Variants in VAT1L observed in about 807,000 individuals in gnomAD.
VAT1L encodes putative NADPH-dependent quinone oxidoreductase VAT1L.
In VAT1L, 34 loss-of-function variants were observed where a neutral mutation model predicts 44.1. The observed-to-expected ratio is 0.77, with a 90% confidence interval of 0.59 to 1.03. VAT1L has a LOEUF of 1.03. VAT1L is among the 50% of genes least tolerant of loss of function. VAT1L has a pLI of 0.00. For synonymous variants in VAT1L, 253 were observed against 202.2 expected (o/e 1.25, Z -2.13); for missense variants, 615 against 538.8 (o/e 1.14, Z -1.40).
intron 7 of VAT1L, among the ~76,000 whole-genome samples, chr16:77,949,374 C>T (rs1466781742): frequency 1.3e-5 from 2 of 152,128 alleles, no homozygotes; most frequent in African/African-American, 4.8e-5. Context: ...CTCTGGGGTA[C>T]TGACAGGGCA....
chr16:77,972,874 C>T (rs2018295444), intron 8 of VAT1L, among the ~76,000 whole-genome samples: 1 of 151,584 alleles, frequency 6.6e-6, no homozygotes, highest in Admixed American at 6.6e-5. Context: ...TTTTTAGAGA[C>T]AGAATCTCAC....
At chr16:77,947,412 T>C (rs2068953) in intron 7 of VAT1L, among the ~76,000 whole-genome samples, 80,756 of 152,048 alleles carry the variant, frequency 0.53, 21,702 homozygotes, top group East Asian at 0.67. Flanking sequence ...TAACAGCATG[T>C]CTCAGCATCC....
intron 7 of VAT1L, among the ~76,000 whole-genome samples, chr16:77,953,853 G>T (rs1370603942): frequency 1.3e-5 from 2 of 152,092 alleles, no homozygotes; most frequent in Admixed American, 6.6e-5. Context: ...GTTCACACTA[G>T]ATCCTGATGT....
rs1014071516 is a variant in VAT1L at position 77,884,347 on chromosome 16, C to T, written c.883-261C>T. On this transcript the variant is annotated intron_variant, in intron 6 of 8. Coordinates refer to ENST00000302536, the MANE Select transcript of VAT1L (RefSeq NM_020927.3). This position sits in a 1 kb window ranked among gnomAD's most constrained non-coding sequence, Gnocchi z 4.5. ...GCTGGGGCAGAGAATTACTTGAACCCGGGAGGCAGACGTTGCAGTAAGCTG... is the reference window on the plus strand; with the variant it reads ...GCTGGGGCAGAGAATTACTTGAACCTGGGAGGCAGACGTTGCAGTAAGCTG... Among the ~76,000 whole-genome samples, 4 of 151,944 alleles carry T rather than the reference C, an allele frequency of 2.6e-5. No individual in the cohort carries two copies. The highest frequency in any genetic ancestry group is 3.9e-4 in the East Asian group (2 of 5,174).
Position 77,944,773 on chromosome 16 carries a change from T to C in VAT1L, c.1078-27077T>C, listed in dbSNP as rs116703442. 9.2e-3 allele frequency among the ~76,000 whole-genome samples: 1,408 copies of C among 152,272 alleles called. 26 individuals carry two copies. Among genetic ancestry groups the C allele is most frequent in the African/African-American group, 0.032 (1,322 of 41,538 alleles). ...ATTATTTTAGGTCTATTTTAGTTCC[T>C]TAAACAGTTGTGGGTGGCTGAGAGG... is the stretch of plus-strand genomic sequence containing the variant. On this transcript the variant is annotated intron_variant, in intron 7 of 8. Coordinates refer to ENST00000302536, the MANE Select transcript of VAT1L (RefSeq NM_020927.3).
intron 7 of VAT1L, among the ~76,000 whole-genome samples, chr16:77,945,631 A>G (rs1056792434): frequency 6.6e-6 from 1 of 152,022 alleles, no homozygotes; most frequent in African/African-American, 2.4e-5. Flanking sequence ...TAAGAAAAGT[A>G]GCACATATTC....
intron 7 of VAT1L, among the ~76,000 whole-genome samples, chr16:77,923,491 A>C (rs1397216793): frequency 6.6e-6 from 1 of 152,194 alleles, no homozygotes. Context: ...GCCCAGAATC[A>C]GGTCTTAAAA....
intron 1 of VAT1L, among the ~76,000 whole-genome samples, chr16:77,794,563 C>T (rs2015894049): frequency 1.3e-5 from 2 of 152,256 alleles, no homozygotes; most frequent in African/African-American, 4.8e-5. Flanking sequence ...GAGCATTAAA[C>T]TGTCACCAGT....
chr16:77,941,667 C>T (rs1597111239), intron 7 of VAT1L, among the ~76,000 whole-genome samples: 1 of 152,226 alleles, frequency 6.6e-6, no homozygotes, highest in Admixed American at 6.5e-5. Context: ...CTCGCTGCAA[C>T]CTCCAGCTCC....
At chr16:77,811,101 T>A (rs930453873) in intron 1 of VAT1L, among the ~76,000 whole-genome samples, 2 of 152,110 alleles carry the variant, frequency 1.3e-5, no homozygotes, top group African/African-American at 4.8e-5. Context: ...AAGAGGGAGA[T>A]TTGTTTAATG....
intron 7 of VAT1L, among the ~76,000 whole-genome samples, chr16:77,946,689 C>T (rs1651900): frequency 0.99 from 151,416 of 152,326 alleles, 75,260 homozygotes; most frequent in Middle Eastern, 1. Flanking sequence ...ACATGTCACT[C>T]TGGGAAGATG....
In VAT1L at chr16:77,884,422, C is replaced by CAAAAAATAAAAAT. The variant is rs1178068670; in HGVS notation, c.883-174_883-162dup. 6.6e-6 allele frequency among the ~76,000 whole-genome samples: 1 copy of CAAAAAATAAAAAT among 151,738 alleles called. No homozygotes were observed. Among genetic ancestry groups the CAAAAAATAAAAAT allele is most frequent in the East Asian group, 1.9e-4 (1 of 5,180 alleles). On this transcript the variant is annotated intron_variant, in intron 6 of 8. Coordinates refer to ENST00000302536, the MANE Select transcript of VAT1L (RefSeq NM_020927.3). The surrounding 1 kb of genome is among the most constrained non-coding windows in gnomAD (Gnocchi z 4.5). ...TGGGCTACAGAGTGAGACTCCATCT[C>CAAAAAATAAAAAT]AAAAAATAAAAATAAAAAATAAAAT...
At position 77,891,769 on chromosome 16, in the gene VAT1L, G is replaced by C. The variant is rs994043313; in HGVS notation, c.1077+6967G>C. On this transcript the variant is annotated intron_variant, in intron 7 of 8. Coordinates refer to ENST00000302536, the MANE Select transcript of VAT1L (RefSeq NM_020927.3). ...GACCTTTATCTGTCCCAGGACAAGA[G>C]GGTAACTTGATAAAAAGATTAGGCC... Among the ~76,000 whole-genome samples, 6 of 152,250 alleles carry C rather than the reference G, an allele frequency of 3.9e-5. No homozygotes were observed. In the East Asian group the frequency reaches 1.2e-3, roughly 29 times the overall value.
intron 3 of VAT1L, among the ~76,000 whole-genome samples, chr16:77,832,881 G>A (rs1432182701): frequency 1.3e-5 from 2 of 152,134 alleles, no homozygotes; most frequent in Admixed American, 6.5e-5. Context: ...AGCAAGTGAC[G>A]ATCTTCAGTG....
intron 1 of VAT1L, among the ~76,000 whole-genome samples, chr16:77,795,276 G>A (rs1159249158): frequency 5.9e-5 from 1 of 16,944 alleles, no homozygotes; most frequent in African/African-American, 1.7e-4. Context: ...AGAATTTACA[G>A]TGGGGGCGGG....
At chr16:77,897,168 A>G (rs1268818513) in intron 7 of VAT1L, among the ~76,000 whole-genome samples, 2 of 152,226 alleles carry the variant, frequency 1.3e-5, no homozygotes, top group Non-Finnish European at 2.9e-5. Flanking sequence ...GTACATTTAA[A>G]TCAGATAATG....
At position 77,816,984 on chromosome 16, in the gene VAT1L, C is replaced by T. The variant is rs367843051; in HGVS notation, c.297C>T (p.Pro99=). The change falls in exon 2 of 9, where the codon CCC becomes CCT. Residue 99 remains proline (P), a synonymous_variant. Transcript: ENST00000302536. The part of the protein sequence containing the change: ...QGNIDNPPKT[P]LVPGFECSGI... ...ATATTGACAACCCTCCCAAGACTCC[C>T]CTGGTGCCAGGATTTGAGTGTTCTG... The T allele has an allele frequency of 1.3e-5, 21 of 1,613,968 alleles. No homozygotes were observed. In the African/African-American group the frequency reaches 2.3e-4, roughly 17 times the overall value.
chr16:77,935,408 T>G (rs904790389), intron 7 of VAT1L, among the ~76,000 whole-genome samples: 1 of 151,988 alleles, frequency 6.6e-6, no homozygotes, highest in South Asian at 2.1e-4. Context: ...GAGCATCTTC[T>G]TTGGGCACGA....
intron 7 of VAT1L, among the ~76,000 whole-genome samples, chr16:77,898,599 T>C (rs1433456706): frequency 1.5e-5 from 2 of 131,918 alleles, no homozygotes; most frequent in African/African-American, 2.9e-5. Context: ...GAAAATATCA[T>C]GAGGCTGTGT....
Sources: allele counts gnomAD v4.1 joint callset (sites outside exome capture counted in the v4.1 genomes callset), GRCh38; gene constraint gnomAD v4.1.1; non-coding constraint Gnocchi (gnomAD v3.1); transcripts MANE v1.5; gene names NCBI Gene and HGNC (gene_info 2026-07-23, HGNC 2026-07-21).